KIDINS220: variants seen among roughly 807,000 people sequenced by gnomAD.
KIDINS220 encodes kinase D-interacting substrate of 220 kDa.
KIDINS220 carries 63 observed loss-of-function variants against 157.6 expected under a neutral mutation model. The observed-to-expected ratio is 0.40, with a 90% CI of 0.33 to 0.49. KIDINS220 has a LOEUF of 0.49. KIDINS220 is among the 20% of genes least tolerant of loss of function. The pLI, the probability that KIDINS220 is intolerant of heterozygous loss-of-function variation, is 0.66. For synonymous variants in KIDINS220, 732 were observed against 783.6 expected, an observed-to-expected ratio of 0.93 and a Z score of 1.10; for missense variants, 1,772 against 2,171.2, an observed-to-expected ratio of 0.82 and a Z score of 3.65.
intron 26 of KIDINS220, among the ~76,000 whole-genome samples, chr2:8,742,698 C>T (rs1366794804): frequency 6.6e-6 from 1 of 152,118 alleles, no homozygotes. Flanking sequence ...TTCATAAAAC[C>T]GATAATTCCC....
intron 22 of KIDINS220, among the ~76,000 whole-genome samples, chr2:8,762,433 T>C (rs1668867035): frequency 6.6e-6 from 1 of 152,144 alleles, no homozygotes; most frequent in Non-Finnish European, 1.5e-5. Context: ...ACATTCAAAA[T>C]CAAAAGTAAA....
intron 22 of KIDINS220, among the ~76,000 whole-genome samples, chr2:8,762,578 A>T (rs915177423): frequency 6.6e-6 from 1 of 152,168 alleles, no homozygotes; most frequent in African/African-American, 2.4e-5. Flanking sequence ...TCTATTAAAA[A>T]TACAAAAAAA....
In KIDINS220 at chr2:8,808,087, A is replaced by G. The variant is rs770516850; in HGVS notation, c.505-1718T>C. Among the ~76,000 whole-genome samples, 30 of 151,928 alleles carry G rather than the reference A, an allele frequency of 2.0e-4. 1 individual carries two copies. Among genetic ancestry groups the G allele is most frequent in the Non-Finnish European group, 3.8e-4 (26 of 67,958 alleles). On this transcript the variant is annotated intron_variant, in intron 6 of 29. Coordinates refer to ENST00000256707, the MANE Select transcript of KIDINS220 (RefSeq NM_020738.4). ...CGCAATGAGCCGTGTTCATGCCACCACACTCCAGCCTGGGTAACAGAGCAA... is the reference window on the plus strand; with the variant it reads ...CGCAATGAGCCGTGTTCATGCCACCGCACTCCAGCCTGGGTAACAGAGCAA...
In KIDINS220 at chr2:8,825,372, C is replaced by CAAAAAAAAAAAAG. The variant is rs58945111; in HGVS notation, c.108+1601_108+1613dup. 6.4e-4 allele frequency among the ~76,000 whole-genome samples: 70 copies of CAAAAAAAAAAAAG among 108,646 alleles called. No individual in the cohort carries two copies. In the East Asian group the frequency reaches 0.013, roughly 20 times the overall value. The allele number at this position is 108,646 out of a possible 152,430, so 71.3% of individuals were successfully genotyped here. On this transcript the variant is annotated intron_variant, in intron 2 of 29. Coordinates refer to ENST00000256707, the MANE Select transcript of KIDINS220 (RefSeq NM_020738.4). Reference sequence around the variant, plus strand: ...TGGGTGACAGAGTGAGACTCCGTCTCAAAAAAAAAAAAGAAAAAGTTCTGG... The same window carrying CAAAAAAAAAAAAG: ...TGGGTGACAGAGTGAGACTCCGTCTCAAAAAAAAAAAAGAAAAAAAAAAAAGAAAAAGTTCTGG...
chr2:8,740,168 A>C, intron 26 of KIDINS220: 1 of 984,430 alleles, frequency 1.0e-6, no homozygotes, highest in Non-Finnish European at 1.2e-6. Flanking sequence ...CTGTTTGTTA[A>C]ACCCAGAGTC....
Position 8,811,092 on chromosome 2 carries a change from A to G in KIDINS220, c.504+1303T>C, listed in dbSNP as rs74843433. ...CAGATCAAGATATGAATGATTTCCA[A>G]CAGCCCCAAAAGGTTAAACAATACT... is the stretch of plus-strand genomic sequence containing the variant. On this transcript the variant is annotated intron_variant, in intron 6 of 29. Transcript: ENST00000256707. Among the ~76,000 whole-genome samples, 1,457 of 152,346 alleles carry G rather than the reference A, an allele frequency of 9.6e-3. 31 individuals carry two copies. The highest frequency in any genetic ancestry group is 0.034 in the African/African-American group (1,396 of 41,586).
intron 10 of KIDINS220, among the ~76,000 whole-genome samples, chr2:8,797,432 G>A (rs573177359): frequency 2.4e-3 from 369 of 152,250 alleles, no homozygotes; most frequent in African/African-American, 8.6e-3. Context: ...GAAGCCACAG[G>A]TAGTCACCCT....
rs1390291830 is a variant in KIDINS220 at position 8,770,724 on chromosome 2, A to C, written c.2957T>G (p.Leu986Trp). ...PYRTSWLILYLEETEGIPDQM... is the reference protein window; with the variant it reads ...PYRTSWLILYWEETEGIPDQM... ...ATCTGGAATACCTTCAGTCTCTTCCAAATATAATATGAGCCATGAAGTCCG... is the reference window on the plus strand; with the variant it reads ...ATCTGGAATACCTTCAGTCTCTTCCCAATATAATATGAGCCATGAAGTCCG... Residue 986 changes from leucine to tryptophan, a missense_variant, in exon 22 of 30, where the codon TTG becomes TGG. Coordinates refer to ENST00000256707, the MANE Select transcript of KIDINS220 (RefSeq NM_020738.4). 1 of 1,611,776 alleles carries C rather than the reference A, an allele frequency of 6.2e-7. No individual in the cohort carries two copies. Among genetic ancestry groups the C allele is most frequent in the Non-Finnish European group, 8.5e-7 (1 of 1,178,464 alleles).
chr2:8,738,927 T>C (rs2147985755), intron 26 of KIDINS220, among the ~76,000 whole-genome samples: 1 of 152,350 alleles, frequency 6.6e-6, no homozygotes, highest in Admixed American at 6.5e-5. Context: ...TCTTTAGGGT[T>C]AAAATTATTT....
intron 4 of KIDINS220, 24 bp downstream of exon 4, chr2:8,817,594 A>C (rs531664818): frequency 7.6e-7 from 1 of 1,313,218 alleles, no homozygotes; most frequent in Non-Finnish European, 1.1e-6. Flanking sequence ...TCAGCTAATT[A>C]AGAACATATA....
At chr2:8,773,079 T>C (rs976955972) in intron 21 of KIDINS220, among the ~76,000 whole-genome samples, 1 of 152,224 alleles carries the variant, frequency 6.6e-6, no homozygotes, top group East Asian at 1.9e-4. Flanking sequence ...GTAAGTTATT[T>C]TTCAACATAG....
intron 4 of KIDINS220, among the ~76,000 whole-genome samples, chr2:8,815,510 A>T (rs981978984): frequency 6.6e-6 from 1 of 152,156 alleles, no homozygotes. Flanking sequence ...TCTACTAAAA[A>T]TACAAAAAGT....
chr2:8,753,296 A>G (rs1463991891), intron 22 of KIDINS220, among the ~76,000 whole-genome samples: 1 of 152,220 alleles, frequency 6.6e-6, no homozygotes, highest in Non-Finnish European at 1.5e-5. Context: ...ACCAATAAAG[A>G]GTGTATAGCA....
chr2:8,785,882 G>A lies in KIDINS220; in HGVS notation c.2088C>T (p.Ile696=), dbSNP rs1318224253. 2.5e-6 allele frequency: 4 copies of A among 1,613,964 alleles called. No homozygotes were observed. The highest frequency in any genetic ancestry group is 3.4e-6 in the Non-Finnish European group (4 of 1,180,008). The change falls in exon 17 of 30, where the codon ATC becomes ATT. Residue 696 remains isoleucine, a synonymous_variant. Transcript: ENST00000256707. The part of the protein sequence containing the change: ...HLTVNAVLIS[I]ASVVGLAFVL... ...CAAAGGCCAATCCCACTACAGATGC[G>A]ATTGATATGAGGACAGCATTTACAG...
intron 26 of KIDINS220, among the ~76,000 whole-genome samples, chr2:8,745,644 C>T (rs1211861588): frequency 6.6e-6 from 1 of 152,006 alleles, no homozygotes; most frequent in Non-Finnish European, 1.5e-5. Flanking sequence ...TACAAAAACA[C>T]AAAAATTAGC....
chr2:8,755,702 A>G (rs2148075099), intron 22 of KIDINS220, among the ~76,000 whole-genome samples: 1 of 152,322 alleles, frequency 6.6e-6, no homozygotes, highest in African/African-American at 2.4e-5. Context: ...GCATGTGGAA[A>G]TCTAGTTATC....
chr2:8,749,322 C>T (rs193099154), intron 24 of KIDINS220: 79 of 431,104 alleles, frequency 1.8e-4, no homozygotes, highest in African/African-American at 1.5e-3. Flanking sequence ...TATGTTTTCT[C>T]GAATTAGACT....
At chr2:8,726,943 C>T (rs1352945287), downstream of KIDINS220, 3 of 1,286,622 alleles carry the variant, frequency 2.3e-6, no homozygotes, top group East Asian at 1.1e-4. Context: ...GCATTTTCTT[C>T]CTAGGCATGA....
chr2:8,728,021 C>T (rs1241255250), downstream of KIDINS220, among the ~76,000 whole-genome samples: 1 of 152,148 alleles, frequency 6.6e-6, no homozygotes, highest in Non-Finnish European at 1.5e-5. Flanking sequence ...CTATCTGTGG[C>T]TTACAGTGAA....
Sources: allele counts gnomAD v4.1 joint callset (sites outside exome capture counted in the v4.1 genomes callset), GRCh38; gene constraint gnomAD v4.1.1; transcripts MANE v1.5; gene names NCBI Gene and HGNC (gene_info 2026-07-23, HGNC 2026-07-21).